CTNNA3: variants seen among roughly 807,000 people sequenced by gnomAD.
CTNNA3 encodes catenin alpha-3.
A neutral mutation model predicts 95.7 loss-of-function variants in CTNNA3; 76 were observed. That is an observed-to-expected ratio of 0.79 (90% CI 0.66 to 0.96). CTNNA3 has a LOEUF of 0.96. Among genes scored for constraint, CTNNA3 ranks in the 40% least tolerant of loss-of-function variants. The pLI, the probability that CTNNA3 is intolerant of heterozygous loss-of-function variation, is 0.00. For synonymous variants in CTNNA3, 431 were observed against 374.4 expected, an observed-to-expected ratio of 1.15 and a Z score of -1.74; for missense variants, 1,191 against 1,089.8, an observed-to-expected ratio of 1.09 and a Z score of -1.31.
chr10:66,379,652 A>G lies in CTNNA3; in HGVS notation c.1532-300T>C, dbSNP rs558096768. On this transcript the variant is annotated intron_variant, in intron 11 of 17. Transcript: ENST00000433211. Reference sequence around the variant, plus strand: ...TAGACTGACATAGAGGTGGAAATTAAAGACAGTTTCTAGATTAAAATGAAA... The same window carrying G: ...TAGACTGACATAGAGGTGGAAATTAGAGACAGTTTCTAGATTAAAATGAAA... Among the ~76,000 whole-genome samples, 3 of 152,288 alleles carry G rather than the reference A, an allele frequency of 2.0e-5. No individual in the cohort carries two copies. The South Asian group carries it at 6.2e-4, about 32-fold the overall frequency.
chr10:66,074,865 G>A (rs976962553), intron 14 of CTNNA3, among the ~76,000 whole-genome samples: 5 of 151,542 alleles, frequency 3.3e-5, no homozygotes, highest in Admixed American at 6.6e-5. Flanking sequence ...TAGAAAATAA[G>A]TCCTCTTAAA....
chr10:67,387,099 G>A (rs1434107282), intron 5 of CTNNA3, among the ~76,000 whole-genome samples: 1 of 152,170 alleles, frequency 6.6e-6, no homozygotes, highest in Non-Finnish European at 1.5e-5. Flanking sequence ...AGCTCCCAGC[G>A]TGAGCGACGC....
At chr10:67,293,929 G>A (rs1039757752) in intron 5 of CTNNA3, among the ~76,000 whole-genome samples, 4 of 151,908 alleles carry the variant, frequency 2.6e-5, no homozygotes, top group African/African-American at 9.7e-5. Flanking sequence ...TTGGACATTT[G>A]GCTTGGTTCC....
At chr10:66,731,538 A>G (rs1848959688) in intron 9 of CTNNA3, among the ~76,000 whole-genome samples, 1 of 152,118 alleles carries the variant, frequency 6.6e-6, no homozygotes, top group Non-Finnish European at 1.5e-5. Context: ...AACTGCTGCA[A>G]AGCTGTTAAT....
chr10:66,906,458 T>C (rs1327169870), intron 7 of CTNNA3, among the ~76,000 whole-genome samples: 2 of 152,098 alleles, frequency 1.3e-5, no homozygotes, highest in Non-Finnish European at 2.9e-5. Context: ...ACAAATAGAA[T>C]ACAAGTGGAA....
At chr10:67,317,288 T>G (rs1362731463) in intron 5 of CTNNA3, among the ~76,000 whole-genome samples, 1 of 152,132 alleles carries the variant, frequency 6.6e-6, no homozygotes, top group African/African-American at 2.4e-5. Context: ...TGTATACATG[T>G]GCCATACTGG....
At chr10:66,652,097 TA>T (rs59359956) in intron 9 of CTNNA3, among the ~76,000 whole-genome samples, 8,840 of 119,556 alleles carry the variant, frequency 0.074, 308 homozygotes, top group Admixed American at 0.1. Flanking sequence ...CTCAAGGAAC[TA>T]AAAAAAAAAA....
At chr10:67,184,685 C>T (rs1862748960) in intron 6 of CTNNA3, among the ~76,000 whole-genome samples, 1 of 152,182 alleles carries the variant, frequency 6.6e-6, no homozygotes, top group South Asian at 2.1e-4. Context: ...TCATCCCTTA[C>T]TAAAATGAGT....
rs182186147 is a variant in CTNNA3 at position 67,447,044 on chromosome 10, G to C, written c.579+74798C>G. On this transcript the variant is annotated intron_variant, in intron 5 of 17. Transcript: ENST00000433211. Reference sequence around the variant, plus strand: ...GGCGTGAACCCAGGAGGCAGAGCTTGCAGTGAGCTGAGACCGCGCCACTGC... The same window carrying C: ...GGCGTGAACCCAGGAGGCAGAGCTTCCAGTGAGCTGAGACCGCGCCACTGC... 1.1e-4 allele frequency among the ~76,000 whole-genome samples: 16 copies of C among 152,322 alleles called. No individual in the cohort carries two copies. In the East Asian group the frequency reaches 1.5e-3, roughly 15 times the overall value.
intron 7 of CTNNA3, among the ~76,000 whole-genome samples, chr10:66,949,426 C>A (rs1415548844): frequency 6.6e-6 from 1 of 152,128 alleles, no homozygotes; most frequent in Non-Finnish European, 1.5e-5. Flanking sequence ...GGCGTGTTGG[C>A]ATATGCCTGT....
chr10:66,789,834 G>A (rs552909267), intron 7 of CTNNA3, among the ~76,000 whole-genome samples: 1 of 152,284 alleles, frequency 6.6e-6, no homozygotes, highest in East Asian at 1.9e-4. Context: ...TGGACAAGGG[G>A]CATTTGGGAG....
intron 9 of CTNNA3, among the ~76,000 whole-genome samples, chr10:66,691,824 C>G (rs1231736473): frequency 2.0e-5 from 3 of 152,058 alleles, no homozygotes; most frequent in African/African-American, 7.2e-5. Flanking sequence ...TGTTCTGCAG[C>G]CACCGCTGCT....
chr10:66,166,230 C>T (rs1032946224), intron 13 of CTNNA3, among the ~76,000 whole-genome samples: 1 of 151,828 alleles, frequency 6.6e-6, no homozygotes, highest in African/African-American at 2.4e-5. Flanking sequence ...CTGAGGTGGC[C>T]GGATCACCTG....
Position 67,219,782 on chromosome 10 carries a change from G to A in CTNNA3, c.668C>T (p.Ser223Leu). 1.2e-6 allele frequency: 2 copies of A among 1,614,056 alleles called. No homozygotes were observed. Among genetic ancestry groups the A allele is most frequent in the Non-Finnish European group, 1.7e-6 (2 of 1,179,998 alleles). Reference protein sequence around the residue: ...ENSPLLHSICSACLEHSDVAS... With the variant: ...ENSPLLHSICLACLEHSDVAS... ...AACATCAGAATGCTCCAAACAAGCT[G>A]AACAAATTGAATGCAAGAGGGGAGA... Residue 223 changes from serine (S) to leucine (L), a missense_variant, in exon 6 of 18, where the codon TCA becomes TTA. Ser to Leu is a moderately radical substitution (Grantham distance 145). Transcript: ENST00000433211.
chr10:66,522,081 G>C lies in CTNNA3; in HGVS notation c.1375-1308C>G, dbSNP rs889195201. On this transcript the variant is annotated intron_variant, in intron 10 of 17. Coordinates refer to ENST00000433211, the MANE Select transcript of CTNNA3 (RefSeq NM_013266.4). ...ATTAATCATTGGTTTCCTTCAATTA[G>C]AGCATGAATAATATAATATTTTTTT... 2.6e-5 allele frequency among the ~76,000 whole-genome samples: 4 copies of C among 152,212 alleles called. No individual in the cohort carries two copies. The East Asian group carries it at 7.7e-4, about 29-fold the overall frequency.
chr10:67,022,711 G>A (rs1440673671), intron 7 of CTNNA3, among the ~76,000 whole-genome samples: 1 of 152,144 alleles, frequency 6.6e-6, no homozygotes, highest in Non-Finnish European at 1.5e-5. Context: ...GCCGAGGCGG[G>A]CAGATCATGA....
chr10:66,885,108 G>A (rs1051114368), intron 7 of CTNNA3, among the ~76,000 whole-genome samples: 1 of 152,110 alleles, frequency 6.6e-6, no homozygotes, highest in Non-Finnish European at 1.5e-5. Flanking sequence ...CTGGCAAGAT[G>A]AGACTACTGT....
intron 5 of CTNNA3, among the ~76,000 whole-genome samples, chr10:67,400,736 A>C (rs767156045): frequency 5.3e-5 from 8 of 152,224 alleles, no homozygotes; most frequent in Non-Finnish European, 8.8e-5. Flanking sequence ...TACTTTTCAA[A>C]AGTGGAATTA....
intron 5 of CTNNA3, among the ~76,000 whole-genome samples, chr10:67,347,769 G>T (rs1317572886): frequency 7.0e-6 from 1 of 142,070 alleles, no homozygotes; most frequent in African/African-American, 2.6e-5. Flanking sequence ...CCACTCAAGA[G>T]ACTACTCATA....
Sources: gnomAD v4.1 joint callset for allele counts (sites outside exome capture counted in the v4.1 genomes callset) on GRCh38, gnomAD v4.1.1 for gene constraint, MANE v1.5 for transcripts, NCBI Gene and HGNC (gene_info 2026-07-23, HGNC 2026-07-21) for gene names.